The following GRID1 variants were observed in gnomAD, a reference collection of about 807,000 sequenced individuals.
The protein encoded by GRID1 is glutamate ionotropic receptor delta type subunit 1, also known as glutamate receptor ionotropic, delta-1.
A neutral mutation model predicts 98.0 loss-of-function variants in GRID1; 28 were observed. That is an observed-to-expected ratio of 0.29 (90% CI 0.21 to 0.39). The LOEUF (loss-of-function observed/expected upper bound fraction) is 0.39, where lower values mean the gene tolerates loss of function less well. GRID1 is among the 10% of genes least tolerant of loss of function. The pLI, the probability that GRID1 is intolerant of heterozygous loss-of-function variation, is 1.00. For missense variants in GRID1, 1,111 were observed against 1,340.5 expected, an observed-to-expected ratio of 0.83 and a Z score of 2.67; for synonymous variants, 553 against 538.5, an observed-to-expected ratio of 1.03 and a Z score of -0.37.
At chr10:85,641,353 G>C (rs1333898549) in intron 13 of GRID1, among the ~76,000 whole-genome samples, 1 of 152,184 alleles carries the variant, frequency 6.6e-6, no homozygotes, top group Non-Finnish European at 1.5e-5. Flanking sequence ...AAAAGATAAA[G>C]TCACAGACTT....
intron 4 of GRID1, among the ~76,000 whole-genome samples, chr10:86,036,398 C>G (rs1332712659): frequency 6.6e-6 from 1 of 152,176 alleles, no homozygotes; most frequent in Non-Finnish European, 1.5e-5. Context: ...AGTCCAAATG[C>G]CCAACCCTGC....
intron 4 of GRID1, among the ~76,000 whole-genome samples, chr10:85,961,016 G>C (rs1273812038): frequency 6.6e-6 from 1 of 152,016 alleles, no homozygotes; most frequent in Non-Finnish European, 1.5e-5. Context: ...GCTCTCTGTG[G>C]TGTCTAGGCC....
chr10:86,178,763 A>G (rs1051026924), intron 3 of GRID1, among the ~76,000 whole-genome samples: 5 of 151,852 alleles, frequency 3.3e-5, no homozygotes, highest in African/African-American at 1.2e-4. Flanking sequence ...CCCTGAACCC[A>G]TGGTTTCTCC....
intron 12 of GRID1, among the ~76,000 whole-genome samples, chr10:85,707,011 A>G (rs1841527599): frequency 6.6e-6 from 1 of 152,214 alleles, no homozygotes; most frequent in South Asian, 2.1e-4. Context: ...TAAAAACCCT[A>G]GAAGAAAACC....
At chr10:85,990,501 T>C (rs17318292) in intron 4 of GRID1, among the ~76,000 whole-genome samples, 77,599 of 152,026 alleles carry the variant, frequency 0.51, 20,180 homozygotes, top group South Asian at 0.72. Context: ...GACAGAAACA[T>C]AGAAAACAAA....
intron 8 of GRID1, among the ~76,000 whole-genome samples, chr10:85,730,549 T>C (rs558485205): frequency 1.3e-5 from 2 of 152,268 alleles, no homozygotes; most frequent in South Asian, 4.1e-4. Context: ...GAACCCCTGC[T>C]CTTCTAGGTC....
chr10:85,916,877 T>A lies in GRID1; in HGVS notation c.727-638A>T, dbSNP rs551150495. On this transcript the variant is annotated intron_variant, in intron 4 of 15. Transcript: ENST00000327946. This position sits in a 1 kb window ranked among gnomAD's most constrained non-coding sequence, Gnocchi z 4.0. Reference sequence around the variant, plus strand: ...CAGTTTACTTATTTCTTATTGTCTGTCTCCTCTGCTAGAATATTTCTTATT... The same window carrying A: ...CAGTTTACTTATTTCTTATTGTCTGACTCCTCTGCTAGAATATTTCTTATT... Among the ~76,000 whole-genome samples the A allele has an allele frequency of 7.3e-4, 111 of 152,320 alleles. No individual in the cohort carries two copies. The South Asian group carries it at 0.023, about 31-fold the overall frequency.
In GRID1 at chr10:85,879,673, A is replaced by C. The variant is rs564898171; in HGVS notation, c.781-10493T>G. Among the ~76,000 whole-genome samples the C allele has an allele frequency of 1.2e-4, 18 of 152,322 alleles. No individual in the cohort carries two copies. The South Asian group carries it at 3.5e-3, about 30-fold the overall frequency. On this transcript the variant is annotated intron_variant, in intron 5 of 15. Transcript: ENST00000327946. The stretch of plus-strand genomic sequence containing the variant: ...AAATGCCCACAAGAGAAAGCAGGAA[A>C]GATCCAAAATTGACACCCTAACATC...
intron 12 of GRID1, among the ~76,000 whole-genome samples, chr10:85,680,704 T>C (rs1256600349): frequency 6.6e-6 from 1 of 152,068 alleles, no homozygotes; most frequent in Non-Finnish European, 1.5e-5. Flanking sequence ...CTACTCACAA[T>C]AGCAAAGATA....
At chr10:86,006,036 T>C (rs1432642239) in intron 4 of GRID1, among the ~76,000 whole-genome samples, 1 of 152,218 alleles carries the variant, frequency 6.6e-6, no homozygotes, top group Non-Finnish European at 1.5e-5. Context: ...AGTACACTTC[T>C]GAGAAGGAAG....
At chr10:86,161,399 G>A (rs897612747) in intron 3 of GRID1, among the ~76,000 whole-genome samples, 1 of 152,110 alleles carries the variant, frequency 6.6e-6, no homozygotes, top group African/African-American at 2.4e-5. Flanking sequence ...TGCGGGAAGG[G>A]AACAGCATTT....
intron 2 of GRID1, among the ~76,000 whole-genome samples, chr10:86,227,036 G>A (rs769205741): frequency 6.4e-4 from 97 of 152,178 alleles, no homozygotes; most frequent in Non-Finnish European, 1.1e-3. Flanking sequence ...TGAGCTGTGC[G>A]CCTGCAGCTG....
chr10:86,316,358 G>A (rs1847898324), intron 2 of GRID1, among the ~76,000 whole-genome samples: 1 of 152,248 alleles, frequency 6.6e-6, no homozygotes, highest in African/African-American at 2.4e-5. Flanking sequence ...TTCATGTCAG[G>A]GGCTTTGCAG....
intron 8 of GRID1, among the ~76,000 whole-genome samples, chr10:85,847,642 G>T (rs1399669928): frequency 6.6e-6 from 1 of 151,548 alleles, no homozygotes; most frequent in Non-Finnish European, 1.5e-5. Context: ...GCATTTAGTG[G>T]AAAAATGTAA....
At chr10:85,865,655 T>C (rs529003758) in intron 6 of GRID1, among the ~76,000 whole-genome samples, 1 of 152,130 alleles carries the variant, frequency 6.6e-6, no homozygotes, top group South Asian at 2.1e-4. Context: ...GTCTTCTCGA[T>C]AAATCTCACA....
rs1263039601 is a variant in GRID1 at position 86,206,795 on chromosome 10, GGCCAGTGGCTCTCATAAGCACA to G, written c.236-169_236-148del. 12 of 660,288 alleles carry G rather than the reference GGCCAGTGGCTCTCATAAGCACA, an allele frequency of 1.8e-5. No individual in the cohort carries two copies. The East Asian group carries it at 3.3e-4, about 18-fold the overall frequency. 40.9% of individuals were successfully genotyped at this position (660,288 alleles called of 1,614,324 possible). A position where few individuals can be genotyped will look rare whatever the true frequency, so the allele number is the denominator to read the frequency against. On this transcript the variant is annotated intron_variant, in intron 2 of 15. Transcript: ENST00000327946. This position sits in a 1 kb window ranked among gnomAD's most constrained non-coding sequence, Gnocchi z 4.1. ...CCAGGACCAAGAACCATCCTGGGCA[GGCCAGTGGCTCTCATAAGCACA>G]GCCTCACTGACATCCTTGGTGAAAA... is the stretch of plus-strand genomic sequence containing the variant.
At chr10:86,351,784 G>A (rs992941867) in intron 2 of GRID1, among the ~76,000 whole-genome samples, 2 of 152,200 alleles carry the variant, frequency 1.3e-5, no homozygotes, top group Non-Finnish European at 2.9e-5. Context: ...CCTCTGCACT[G>A]GCCAGGTGAC....
chr10:85,733,801 A>G (rs1441619953), intron 8 of GRID1, among the ~76,000 whole-genome samples: 4 of 152,188 alleles, frequency 2.6e-5, no homozygotes, highest in Non-Finnish European at 5.9e-5. Flanking sequence ...GACCTCAATT[A>G]TGTTTTTTTA....
rs73328638 is a variant in GRID1, at chr10:85,724,758, T to C, written c.1534-82A>G. ...GCCCTGGGTCAAGGTCCACCCTCTG[T>C]CCTTTGAGTTGCTCTGTTCAGAGGA... On this transcript the variant is annotated intron_variant, in intron 10 of 15. Transcript: ENST00000327946. 164 of 1,084,054 alleles carry C rather than the reference T, an allele frequency of 1.5e-4. No homozygotes were observed. In the African/African-American group the frequency reaches 2.4e-3, roughly 16 times the overall value. 67.2% of individuals were successfully genotyped at this position (1,084,054 alleles called of 1,614,324 possible).
Sources: gnomAD v4.1 joint callset for allele counts (sites outside exome capture counted in the v4.1 genomes callset) on GRCh38, gnomAD v4.1.1 for gene constraint, Gnocchi (gnomAD v3.1) non-coding constraint, MANE v1.5 for transcripts, NCBI Gene and HGNC (gene_info 2026-07-23, HGNC 2026-07-21) for gene names.